Variants in ZNF701 observed in about 807,000 individuals in gnomAD.
ZNF701 encodes zinc finger protein 701.
Under a neutral mutation model 7.1 loss-of-function variants are expected in ZNF701, and 6 were observed. The ratio of observed to expected loss-of-function variants is 0.84; its 90% CI spans 0.46 to 1.66. The LOEUF is 1.66. Among genes scored for constraint, ZNF701 ranks in the 40% most tolerant of loss-of-function variants. The pLI, the probability that ZNF701 is intolerant of heterozygous loss-of-function variation, is 0.01. For missense variants in ZNF701, 541 were observed against 559.2 expected (o/e 0.97, Z 0.33); for synonymous variants, 166 against 188.2 (o/e 0.88, Z 0.97).
intron 3 of ZNF701, among the ~76,000 whole-genome samples, chr19:52,577,602 T>A (rs561263635): frequency 4.6e-4 from 70 of 151,788 alleles, no homozygotes; most frequent in Non-Finnish European, 7.5e-4. Context: ...AGAAGTGACC[T>A]AGAAGGCAAG....
At chr19:52,579,456 G>T (rs757355945) in intron 3 of ZNF701, among the ~76,000 whole-genome samples, 1 of 135,944 alleles carries the variant, frequency 7.4e-6, no homozygotes, top group Non-Finnish European at 1.5e-5. Context: ...GGAGGCGGGG[G>T]TTGCAGTGAT....
At chr19:52,596,938 G>A in the ZNF701 span, 1 of 593,240 alleles carries the variant, frequency 1.7e-6, no homozygotes, top group Non-Finnish European at 3.3e-6. Flanking sequence ...AATGAGTGGG[G>A]CAAAGCCTTA....
intron 3 of ZNF701, among the ~76,000 whole-genome samples, chr19:52,577,213 T>C (rs1329946929): frequency 6.6e-6 from 1 of 152,116 alleles, no homozygotes; most frequent in East Asian, 1.9e-4. Flanking sequence ...GATTTTTGTG[T>C]CCCAGCTTCC....
chr19:52,590,956 C>T (rs545102637), downstream of ZNF701, among the ~76,000 whole-genome samples: 3 of 152,116 alleles, frequency 2.0e-5, no homozygotes, highest in Non-Finnish European at 4.4e-5. Flanking sequence ...TCTCCTGCCT[C>T]GCCCTGCTGA....
At chr19:52,591,056 T>C (rs1189551282), downstream of ZNF701, among the ~76,000 whole-genome samples, 1 of 152,132 alleles carries the variant, frequency 6.6e-6, no homozygotes, top group Non-Finnish European at 1.5e-5. Context: ...GCCAGGATGC[T>C]CTTGATTTCT....
chr19:52,582,706 A>G lies in ZNF701; in HGVS notation c.647A>G (p.Gln216Arg). Reference sequence around the variant, plus strand: ...GTACACACAAGAGAAAAATCTTTCCAACGTAATGAGAGTGGCAAAGCCTTT... The same window carrying G: ...GTACACACAAGAGAAAAATCTTTCCGACGTAATGAGAGTGGCAAAGCCTTT... ...REVHTREKSF[Q>R]RNESGKAFNG... The change falls in exon 4 of 4, where the codon CAA becomes CGA. Residue 216 changes from glutamine (Q) to arginine (R), a missense_variant. Coordinates refer to ENST00000391785, the MANE Select transcript of ZNF701 (RefSeq NM_018260.3). The G allele has an allele frequency of 1.2e-6, 2 of 1,614,196 alleles. No homozygotes were observed. The highest frequency in any genetic ancestry group is 1.1e-5 in the South Asian group (1 of 91,080).
chr19:52,593,585 C>G, the ZNF701 span, among the ~76,000 whole-genome samples: 2 of 114,372 alleles, frequency 1.7e-5, 1 homozygote, highest in Non-Finnish European at 3.8e-5. Flanking sequence ...GGAGGAGACG[C>G]TCCTCACTTC....
Position 52,584,649 on chromosome 19 carries a change from A to T in ZNF701, c.*1192A>T, listed in dbSNP as rs2059997472. 6.6e-6 allele frequency: 1 copy of T among 152,040 alleles called. No individual in the cohort carries two copies. Among genetic ancestry groups the T allele is most frequent in the South Asian group, 2.1e-4 (1 of 4,824 alleles). The allele number at this position is 152,040 out of a possible 1,614,324, so 9.4% of individuals were successfully genotyped here. ...AAGGTGTGAAATTCTCAGTTTTTTT[A>T]TGTTTATTCCTAAGTATTTCTTACT... On this transcript the variant is annotated 3_prime_UTR_variant, in exon 4 of 4. Coordinates refer to ENST00000391785, the MANE Select transcript of ZNF701 (RefSeq NM_018260.3).
rs181047665 is a variant in ZNF701 at position 52,574,312 on chromosome 19, C to T, written c.15+150C>T. The T allele has an allele frequency of 8.8e-4, 1,212 of 1,381,462 alleles. 1 individual carries two copies. Among genetic ancestry groups the T allele is most frequent in the Middle Eastern group, 3.6e-3 (20 of 5,552 alleles). The allele number at this position is 1,381,462 out of a possible 1,614,324, so 85.6% of individuals were successfully genotyped here. A position where few individuals can be genotyped will look rare whatever the true frequency, so the allele number is the denominator to read the frequency against. On this transcript the variant is annotated intron_variant, in intron 2 of 3. Coordinates refer to ENST00000391785, the MANE Select transcript of ZNF701 (RefSeq NM_018260.3). ...CCTTCCCTCAGTCCCTGTCATCTCA[C>T]TTAGATTCCATCTCTTGTGACTGAG...
chr19:52,574,230 A>G, intron 2 of ZNF701, 68 bp downstream of exon 2: 2 of 1,589,318 alleles, frequency 1.3e-6, no homozygotes, highest in Non-Finnish European at 8.6e-7. Flanking sequence ...TGGAGTTGGG[A>G]ATCTTCTCTG....
downstream of ZNF701, chr19:52,588,630 C>T (rs1053161147): frequency 6.2e-5 from 22 of 353,618 alleles, 1 homozygote; most frequent in Admixed American, 2.4e-4. Flanking sequence ...TGATATTCCT[C>T]GGTGGATTCT....
Position 52,583,108 on chromosome 19 carries a change from G to T in ZNF701, c.1049G>T (p.Gly350Val). The change falls in exon 4 of 4, where the codon GGA becomes GTA. Residue 350 changes from glycine to valine, a missense_variant. Coordinates refer to ENST00000391785, the MANE Select transcript of ZNF701 (RefSeq NM_018260.3). The stretch of plus-strand genomic sequence containing the variant: ...GAAAGACATAGGAGAATTCACACTG[G>T]AGAGAAACCATACAAATGTAAGGTT... ...HLERHRRIHT[G>V]EKPYKCKVCD... 1 of 1,613,852 alleles carries T rather than the reference G, an allele frequency of 6.2e-7. No individual in the cohort carries two copies. Among genetic ancestry groups the T allele is most frequent in the South Asian group, 1.1e-5 (1 of 91,058 alleles).
chr19:52,581,669 AC>A (rs1264372978), intron 3 of ZNF701, among the ~76,000 whole-genome samples: 3 of 152,176 alleles, frequency 2.0e-5, no homozygotes, highest in Non-Finnish European at 4.4e-5. Context: ...GGCGTGGGCC[AC>A]CACACCTGCC....
downstream of ZNF701, among the ~76,000 whole-genome samples, chr19:52,591,400 T>G (rs1055170995): frequency 9.2e-5 from 14 of 152,062 alleles, no homozygotes; most frequent in African/African-American, 3.4e-4. Context: ...AGGTTGTTCT[T>G]GAACTCCTGA....
Position 52,582,364 on chromosome 19 carries a change from A to C in ZNF701, c.305A>C (p.Gln102Pro). 6.2e-7 allele frequency: 1 copy of C among 1,613,924 alleles called. No homozygotes were observed. Among genetic ancestry groups the C allele is most frequent in the African/African-American group, 1.3e-5 (1 of 75,054 alleles). Residue 102 changes from glutamine to proline, a missense_variant, in exon 4 of 4, where the codon CAA becomes CCA. Transcript: ENST00000391785. ...KDIHDFVFQW[Q>P]ENETNGHEAL... Reference sequence around the variant, plus strand: ...ATTCATGACTTTGTGTTTCAGTGGCAAGAAAATGAAACAAATGGCCATGAA... The same window carrying C: ...ATTCATGACTTTGTGTTTCAGTGGCCAGAAAATGAAACAAATGGCCATGAA...
chr19:52,582,352 T>C lies in ZNF701; in HGVS notation c.293T>C (p.Val98Ala), dbSNP rs779408973. ...ATTGAGAAAGATATTCATGACTTTG[T>C]GTTTCAGTGGCAAGAAAATGAAACA... ...QEIEKDIHDF[V>A]FQWQENETNG... Residue 98 changes from valine to alanine, a missense_variant, in exon 4 of 4, where the codon GTG (valine) becomes GCG (alanine). By Grantham distance (64) the Val-to-Ala change is moderately conservative. Coordinates refer to ENST00000391785, the MANE Select transcript of ZNF701 (RefSeq NM_018260.3). The C allele has an allele frequency of 1.9e-6, 3 of 1,613,670 alleles. No individual in the cohort carries two copies. Among genetic ancestry groups the C allele is most frequent in the East Asian group, 2.2e-5 (1 of 44,892 alleles).
Position 52,585,652 on chromosome 19 carries a change from AGC to A in ZNF701, c.*2197_*2198del, listed in dbSNP as rs1386794010. 1 of 152,062 alleles carries A rather than the reference AGC, an allele frequency of 6.6e-6. No individual in the cohort carries two copies. Among genetic ancestry groups the A allele is most frequent in the Non-Finnish European group, 1.5e-5 (1 of 67,998 alleles). The allele number at this position is 152,062 out of a possible 1,614,324, so 9.4% of individuals were successfully genotyped here. On this transcript the variant is annotated 3_prime_UTR_variant, in exon 4 of 4. Coordinates refer to ENST00000391785, the MANE Select transcript of ZNF701 (RefSeq NM_018260.3). The stretch of plus-strand genomic sequence containing the variant: ...ACCCCACAGGGTGGGGGTGGGCCCA[AGC>A]GAGCGTCTCCAGGGCCCCATTTACA...
chr19:52,581,310 C>T (rs2059973970), intron 3 of ZNF701, among the ~76,000 whole-genome samples: 7 of 152,044 alleles, frequency 4.6e-5, no homozygotes, highest in South Asian at 4.2e-4. Flanking sequence ...ATCTTGGCCT[C>T]GCGGGTTCAA....
the ZNF701 span, among the ~76,000 whole-genome samples, chr19:52,594,679 A>G: frequency 6.6e-6 from 1 of 151,240 alleles, no homozygotes; most frequent in Non-Finnish European, 1.5e-5. Flanking sequence ...AAGCCCGGCT[A>G]TTTCTGTATT....
Sources: allele counts gnomAD v4.1 joint callset (sites outside exome capture counted in the v4.1 genomes callset), GRCh38; gene constraint gnomAD v4.1.1; transcripts MANE v1.5; gene names NCBI Gene and HGNC (gene_info 2026-07-23, HGNC 2026-07-21).